The following PDS5A variants were observed in gnomAD, a reference collection of about 807,000 sequenced individuals.
The protein encoded by PDS5A is sister chromatid cohesion protein PDS5 homolog A.
In PDS5A, 42 loss-of-function variants were observed where a neutral mutation model predicts 167.1. That is an observed-to-expected ratio of 0.25 (90% CI 0.20 to 0.33). The LOEUF is 0.33. Among genes scored for constraint, PDS5A ranks in the 10% least tolerant of loss-of-function variants. PDS5A has a pLI of 1.00. For synonymous variants in PDS5A, 553 were observed against 554.6 expected (o/e 1.00, Z 0.04); for missense variants, 1,033 against 1,605.9 (o/e 0.64, Z 6.10).
At chr4:39,898,589 C>A in intron 15 of PDS5A, 61 bp from the exon 16 acceptor site, 1 of 1,164,852 alleles carries the variant, frequency 8.6e-7, no homozygotes, top group Non-Finnish European at 1.2e-6. Context: ...TTCTACTAAG[C>A]TAAAAACAGG....
intron 2 of PDS5A, among the ~76,000 whole-genome samples, chr4:39,955,812 G>A (rs755213596): frequency 2.1e-4 from 32 of 151,822 alleles, no homozygotes; most frequent in Non-Finnish European, 4.0e-4. Context: ...AAAAAAGTCT[G>A]TTTAAAAATT....
At position 39,863,417 on chromosome 4, in the gene PDS5A, G is replaced by T; in HGVS notation, c.2685C>A (p.Ala895=). 1 of 1,609,230 alleles carries T rather than the reference G, an allele frequency of 6.2e-7. No individual in the cohort carries two copies. The highest frequency in any genetic ancestry group is 1.1e-5 in the South Asian group (1 of 90,766). ...AAGGTTCCTGAGCAAGCTTCATTAT[G>T]GCACTACCAGCAGCTAATCGCAAGC... ...MSRLRLAAGS[A]IMKLAQEPCY... is the part of the protein sequence containing the mutation. Residue 895 remains alanine (A), a synonymous_variant, in exon 24 of 33, where the codon GCC becomes GCA. Transcript: ENST00000303538.
At chr4:39,869,138 C>T (rs920875471) in intron 22 of PDS5A, among the ~76,000 whole-genome samples, 3 of 152,104 alleles carry the variant, frequency 2.0e-5, no homozygotes, top group Non-Finnish European at 4.4e-5. Context: ...AAATAAAGTA[C>T]CTCCTTAACA....
chr4:39,962,260 G>A (rs1220054962), intron 2 of PDS5A, among the ~76,000 whole-genome samples: 1 of 151,732 alleles, frequency 6.6e-6, no homozygotes, highest in Non-Finnish European at 1.5e-5. Context: ...GTTTCACTGT[G>A]TTAGCCAGGA....
Position 39,841,974 on chromosome 4 carries a change from T to G in PDS5A, c.3631A>C (p.Lys1211Gln). 1 of 1,595,524 alleles carries G rather than the reference T, an allele frequency of 6.3e-7. No homozygotes were observed. Among genetic ancestry groups the G allele is most frequent in the Non-Finnish European group, 8.6e-7 (1 of 1,163,152 alleles). ...PVRIISVTPV[K>Q]NIDPVKNKEI... ...TTATTCTTTACTGGGTCAATATTCT[T>G]TACAGGTGTGACTGAAATAATCCTC... Residue 1211 changes from lysine to glutamine, a missense_variant, in exon 31 of 33, where the codon AAG (lysine) becomes CAG (glutamine). Lys to Gln is a moderately conservative substitution (Grantham distance 53). This residue lies in a region of PDS5A where 233 missense variants were observed against 264.0 expected (regional missense o/e 0.88). Transcript: ENST00000303538.
At chr4:39,908,051 T>C (rs1723551446) in intron 11 of PDS5A, among the ~76,000 whole-genome samples, 1 of 152,208 alleles carries the variant, frequency 6.6e-6, no homozygotes, top group Non-Finnish European at 1.5e-5. Context: ...AAGAAAGTCA[T>C]ATGTGAAAAT....
intron 26 of PDS5A, among the ~76,000 whole-genome samples, chr4:39,853,995 C>T (rs1249695068): frequency 6.6e-6 from 1 of 152,176 alleles, no homozygotes; most frequent in Admixed American, 6.5e-5. Flanking sequence ...TTGCTGGTAT[C>T]TTCATTTGTA....
At chr4:39,864,076 G>C (rs1042976316) in intron 23 of PDS5A, among the ~76,000 whole-genome samples, 3 of 151,832 alleles carry the variant, frequency 2.0e-5, no homozygotes, top group African/African-American at 7.3e-5. Context: ...GTTGCAGTGA[G>C]CCAAGGTCGC....
intron 16 of PDS5A, chr4:39,898,111 T>C (rs1722580845): frequency 8.7e-7 from 1 of 1,143,632 alleles, no homozygotes. Flanking sequence ...AAAATACTTA[T>C]CATTACTCAA....
At position 39,859,726 on chromosome 4, in the gene PDS5A, G is replaced by A. The variant is rs565426865; in HGVS notation, c.3086+2493C>T. 5.3e-5 allele frequency among the ~76,000 whole-genome samples: 8 copies of A among 151,354 alleles called. No individual in the cohort carries two copies. In the South Asian group the frequency reaches 1.5e-3, roughly 28 times the overall value. On this transcript the variant is annotated intron_variant, in intron 26 of 32. Coordinates refer to ENST00000303538, the MANE Select transcript of PDS5A (RefSeq NM_001100399.2). Reference sequence around the variant, plus strand: ...CCTAGACTCGTGGTTTCTGAGATGAGAGGAACTAGATGTGGAACTCCGAGC... The same window carrying A: ...CCTAGACTCGTGGTTTCTGAGATGAAAGGAACTAGATGTGGAACTCCGAGC...
chr4:39,921,427 T>C (rs1457192587), intron 6 of PDS5A, among the ~76,000 whole-genome samples: 2 of 151,960 alleles, frequency 1.3e-5, no homozygotes, highest in African/African-American at 4.8e-5. Context: ...AGAAGTCTAT[T>C]TCCTACTACT....
Position 39,977,103 on chromosome 4 carries a change from TG to T in PDS5A, c.-41+353del, listed in dbSNP as rs1731184538. Among the ~76,000 whole-genome samples, 1 of 152,124 alleles carries T rather than the reference TG, an allele frequency of 6.6e-6. No individual in the cohort carries two copies. Among genetic ancestry groups the T allele is most frequent in the Admixed American group, 6.5e-5 (1 of 15,284 alleles). On this transcript the variant is annotated intron_variant, in intron 1 of 32. Transcript: ENST00000303538. The surrounding 1 kb of genome is among the most constrained non-coding windows in gnomAD (Gnocchi z 4.2). Reference sequence around the variant, plus strand: ...GCGGCTGCCGGGAACAAAACGCCCTTGCCCAGCCGAGCCTCGGACCCGGGGT... The same window carrying T: ...GCGGCTGCCGGGAACAAAACGCCCTTCCCAGCCGAGCCTCGGACCCGGGGT...
chr4:39,930,255 G>GT (rs1421768439), intron 2 of PDS5A, among the ~76,000 whole-genome samples: 25 of 80,536 alleles, frequency 3.1e-4, no homozygotes, highest in East Asian at 2.1e-3. Flanking sequence ...AAGTTTTTTT[G>GT]TTTTTTGTTT....
intron 11 of PDS5A, among the ~76,000 whole-genome samples, chr4:39,906,276 G>C (rs1560471244): frequency 6.6e-6 from 1 of 152,212 alleles, no homozygotes; most frequent in South Asian, 2.1e-4. Context: ...ACTGAGGTGG[G>C]AGGATCGCTT....
At chr4:39,850,001 G>A (rs751090794) in intron 26 of PDS5A, among the ~76,000 whole-genome samples, 2 of 152,022 alleles carry the variant, frequency 1.3e-5, no homozygotes, top group South Asian at 4.1e-4. Flanking sequence ...GGCTGGGCGC[G>A]GTGGCTCATG....
chr4:39,964,946 AT>A (rs1244188729), intron 2 of PDS5A, among the ~76,000 whole-genome samples: 28 of 151,616 alleles, frequency 1.8e-4, no homozygotes, highest in East Asian at 1.2e-3. Flanking sequence ...GTCTCAAAAA[AT>A]AATAATAATA....
In PDS5A at chr4:39,917,077, C is replaced by T. The variant is rs1027805524; in HGVS notation, c.847G>A (p.Val283Ile). The T allele has an allele frequency of 6.5e-6, 10 of 1,531,266 alleles. No individual in the cohort carries two copies. Among genetic ancestry groups the T allele is most frequent in the Admixed American group, 4.5e-5 (2 of 44,556 alleles). 94.9% of individuals were successfully genotyped at this position (1,531,266 alleles called of 1,614,324 possible). A position where few individuals can be genotyped will look rare whatever the true frequency, so the allele number is the denominator to read the frequency against. ...FAIDPHLLLS[V>I]MPQLEFKLKS... ...AGTTTGAATTCAAGCTGTGGCATGA[C>T]GGATAATAATAAATGAGGATCTATA... Residue 283 changes from valine to isoleucine, a missense_variant, in exon 8 of 33, where the codon GTC becomes ATC. Val to Ile is a conservative substitution (Grantham distance 29). Transcript: ENST00000303538.
intron 29 of PDS5A, among the ~76,000 whole-genome samples, 166 bp downstream of exon 29, chr4:39,845,652 C>T (rs980457873): frequency 3.9e-5 from 6 of 152,210 alleles, no homozygotes; most frequent in African/African-American, 1.4e-4. Flanking sequence ...TGGTTGCTGG[C>T]AGAAAAATTC....
intron 2 of PDS5A, among the ~76,000 whole-genome samples, chr4:39,952,092 G>A (rs948765619): frequency 6.6e-6 from 1 of 152,120 alleles, no homozygotes; most frequent in Non-Finnish European, 1.5e-5. Flanking sequence ...AACTTTGGGA[G>A]GCAGAGGTGG....
Sources: allele counts gnomAD v4.1 joint callset (sites outside exome capture counted in the v4.1 genomes callset), GRCh38; gene constraint gnomAD v4.1.1; regional missense constraint gnomAD v4.1.1; non-coding constraint Gnocchi (gnomAD v3.1); transcripts MANE v1.5; gene names NCBI Gene and HGNC (gene_info 2026-07-23, HGNC 2026-07-21).